Variants in PLCB1 observed in about 807,000 individuals in gnomAD.
The protein encoded by PLCB1 is 1-phosphatidylinositol 4,5-bisphosphate phosphodiesterase beta-1.
Under a neutral mutation model 161.8 loss-of-function variants are expected in PLCB1, and 46 were observed. The ratio of observed to expected loss-of-function variants is 0.28; its 90% CI spans 0.22 to 0.36. The LOEUF is 0.36. PLCB1 is among the 10% of genes least tolerant of loss of function. The pLI is 1.00. For synonymous variants in PLCB1, 517 were observed against 503.7 expected (o/e 1.03, Z -0.35); for missense variants, 1,016 against 1,472.5 (o/e 0.69, Z 5.07).
intron 2 of PLCB1, among the ~76,000 whole-genome samples, chr20:8,195,920 T>C (rs1401203350): frequency 1.3e-5 from 2 of 152,120 alleles, no homozygotes; most frequent in Admixed American, 1.3e-4. Context: ...AAAAGAGGTT[T>C]AATTGGCTCA....
At position 8,696,337 on chromosome 20, in the gene PLCB1, C is replaced by G. The variant is rs142748391; in HGVS notation, c.1010-1289C>G. 7.9e-4 allele frequency among the ~76,000 whole-genome samples: 121 copies of G among 152,286 alleles called. 1 individual carries two copies. In the South Asian group the frequency reaches 0.019, roughly 23 times the overall value. On this transcript the variant is annotated intron_variant, in intron 10 of 31. Coordinates refer to ENST00000338037, the MANE Select transcript of PLCB1 (RefSeq NM_015192.4). ...AATTGAGGGTTTATTTTGGAAATCTCAATTCTATTTCCATTAATCTATATG... is the reference window on the plus strand; with the variant it reads ...AATTGAGGGTTTATTTTGGAAATCTGAATTCTATTTCCATTAATCTATATG...
intron 31 of PLCB1, among the ~76,000 whole-genome samples, chr20:8,853,549 A>G (rs923680852): frequency 6.6e-6 from 1 of 152,212 alleles, no homozygotes; most frequent in Admixed American, 6.5e-5. Context: ...ATTGCTATAA[A>G]GTATGTGAAT....
At chr20:8,573,965 A>G (rs1181423041) in intron 3 of PLCB1, among the ~76,000 whole-genome samples, 1 of 151,544 alleles carries the variant, frequency 6.6e-6, no homozygotes, top group Admixed American at 6.5e-5. Context: ...AGATAAATGT[A>G]GATTTTTTTA....
chr20:8,676,989 G>A (rs1361509789), intron 9 of PLCB1, among the ~76,000 whole-genome samples: 8 of 152,232 alleles, frequency 5.3e-5, no homozygotes, highest in African/African-American at 1.7e-4. Context: ...TAAACTGGCT[G>A]TTAAACACAA....
chr20:8,612,184 A>G (rs1987924640), intron 3 of PLCB1, among the ~76,000 whole-genome samples: 1 of 152,204 alleles, frequency 6.6e-6, no homozygotes, highest in South Asian at 2.1e-4. Flanking sequence ...ACCCTGGTAT[A>G]GAAAATGGCA....
At chr20:8,609,459 C>A (rs532856506) in intron 3 of PLCB1, among the ~76,000 whole-genome samples, 1 of 152,232 alleles carries the variant, frequency 6.6e-6, no homozygotes, top group African/African-American at 2.4e-5. Flanking sequence ...TAAATGTGTC[C>A]TTCAAAAGCT....
At chr20:8,840,496 C>T (rs914062624) in intron 31 of PLCB1, among the ~76,000 whole-genome samples, 1 of 152,156 alleles carries the variant, frequency 6.6e-6, no homozygotes, top group Non-Finnish European at 1.5e-5. Flanking sequence ...TGAGTTAGGT[C>T]TTGCAGGATG....
At chr20:8,828,169 G>A (rs1279029128) in intron 31 of PLCB1, among the ~76,000 whole-genome samples, 4 of 152,174 alleles carry the variant, frequency 2.6e-5, no homozygotes, top group Non-Finnish European at 4.4e-5. Flanking sequence ...ATGGTGGATG[G>A]GTTGAAAGCT....
chr20:8,580,514 C>T (rs984864871), intron 3 of PLCB1, among the ~76,000 whole-genome samples: 10 of 152,132 alleles, frequency 6.6e-5, no homozygotes, highest in Admixed American at 3.9e-4. Flanking sequence ...ACCTTCTTAG[C>T]GTTCTGCTAA....
At chr20:8,755,197 G>C (rs1355923373) in intron 23 of PLCB1, among the ~76,000 whole-genome samples, 1 of 152,162 alleles carries the variant, frequency 6.6e-6, no homozygotes, top group African/African-American at 2.4e-5. Flanking sequence ...ACTTAATGCA[G>C]TTTTGGAAGA....
At chr20:8,705,389 A>G (rs1978613394) in intron 11 of PLCB1, among the ~76,000 whole-genome samples, 4 of 152,202 alleles carry the variant, frequency 2.6e-5, no homozygotes, top group Admixed American at 2.6e-4. Context: ...ATTTGAAAGT[A>G]TTTCCTGAGC....
intron 11 of PLCB1, among the ~76,000 whole-genome samples, chr20:8,700,949 C>T (rs1444228647): frequency 6.6e-6 from 1 of 152,174 alleles, no homozygotes; most frequent in Non-Finnish European, 1.5e-5. Context: ...AGCAAGGATG[C>T]TTTGCATCAG....
At chr20:8,734,652 A>G (rs531419023) in intron 19 of PLCB1, among the ~76,000 whole-genome samples, 2 of 152,148 alleles carry the variant, frequency 1.3e-5, no homozygotes, top group East Asian at 3.9e-4. Context: ...TATCAGATAT[A>G]ATTTTTTAGC....
intron 3 of PLCB1, among the ~76,000 whole-genome samples, chr20:8,621,992 A>G (rs1988197059): frequency 6.6e-6 from 1 of 152,174 alleles, no homozygotes; most frequent in African/African-American, 2.4e-5. Context: ...ATTTTTATAG[A>G]GAACTGAACA....
At chr20:8,447,980 G>A (rs1384905844) in intron 3 of PLCB1, among the ~76,000 whole-genome samples, 3 of 152,210 alleles carry the variant, frequency 2.0e-5, no homozygotes, top group Admixed American at 6.5e-5. Context: ...CCTTGGCAAA[G>A]GTCCTGAGAC....
chr20:8,681,076 A>ATGTG (rs71331325), intron 9 of PLCB1, among the ~76,000 whole-genome samples: 7,049 of 79,828 alleles, frequency 0.088, 447 homozygotes, highest in Non-Finnish European at 0.13. Flanking sequence ...ATGTGTGTAT[A>ATGTG]TGTGTGTGTG....
intron 2 of PLCB1, among the ~76,000 whole-genome samples, chr20:8,164,286 A>G (rs1022525596): frequency 3.3e-5 from 5 of 152,132 alleles, no homozygotes; most frequent in Non-Finnish European, 4.4e-5. Context: ...CCCTTGGTTG[A>G]ATGAATGGGA....
At chr20:8,437,698 G>A (rs1441849615) in intron 3 of PLCB1, among the ~76,000 whole-genome samples, 1 of 152,122 alleles carries the variant, frequency 6.6e-6, no homozygotes, top group African/African-American at 2.4e-5. Context: ...TATCAAAAAT[G>A]TGCACCAGAG....
intron 26 of PLCB1, among the ~76,000 whole-genome samples, chr20:8,768,711 G>T (rs2146196616): frequency 6.6e-6 from 1 of 152,334 alleles, no homozygotes; most frequent in Non-Finnish European, 1.5e-5. Flanking sequence ...GTGACAGTGA[G>T]GTCATGGCGT....
Sources: allele counts gnomAD v4.1 joint callset (sites outside exome capture counted in the v4.1 genomes callset), GRCh38; gene constraint gnomAD v4.1.1; transcripts MANE v1.5; gene names NCBI Gene and HGNC (gene_info 2026-07-23, HGNC 2026-07-21).